The following PLCH2 variants were observed in gnomAD, a reference collection of about 807,000 sequenced individuals.
PLCH2 encodes the protein 1-phosphatidylinositol 4,5-bisphosphate phosphodiesterase eta-2.
PLCH2 carries 98 observed loss-of-function variants against 134.7 expected under a neutral mutation model. That is an observed-to-expected ratio of 0.73 (90% confidence interval 0.62 to 0.86). The LOEUF (loss-of-function observed/expected upper bound fraction) is 0.86. Ranked by LOEUF, PLCH2 falls within the 40% of genes least tolerant of loss-of-function variation. PLCH2 has a pLI of 0.00. For missense variants in PLCH2, 1,994 were observed against 1,986.6 expected, an observed-to-expected ratio of 1.00 and a Z score of -0.07; for synonymous variants, 974 against 827.5, an observed-to-expected ratio of 1.18 and a Z score of -3.04.
intron 2 of PLCH2, among the ~76,000 whole-genome samples, chr1:2,438,386 G>A (rs529582734): frequency 6.6e-6 from 1 of 152,292 alleles, no homozygotes; most frequent in South Asian, 2.1e-4. Flanking sequence ...GTGAGGCCGA[G>A]GGGCCCAGGG....
rs1553237108 is a variant in PLCH2, at chr1:2,430,646, C to CTGTGGGTGAGTGAGGCCCTGGA, written c.115+18_115+19insGTGGGTGAGTGAGGCCCTGGAT. 2.0e-5 allele frequency: 3 copies of CTGTGGGTGAGTGAGGCCCTGGA among 152,320 alleles called. No homozygotes were observed. In the East Asian group the frequency reaches 5.8e-4, roughly 29 times the overall value. The allele number at this position is 152,320 out of a possible 1,614,324, so 9.4% of individuals were successfully genotyped here. On this transcript the variant is annotated intron_variant, in intron 2 of 3. Transcript: ENST00000609981. ...TGCCCGTGGGTGAGTGAGGCCCTGG[C>CTGTGGGTGAGTGAGGCCCTGGA]TACCCACACCAAGCCAGAGAACATT...
the PLCH2 span, among the ~76,000 whole-genome samples, chr1:2,420,274 C>T: frequency 1.7e-4 from 26 of 152,280 alleles, no homozygotes; most frequent in Middle Eastern, 3.4e-3. Flanking sequence ...TCTTGTCCTT[C>T]CTCCCGCTGC....
intron 11 of PLCH2, 133 bp from the exon 12 acceptor site, chr1:2,494,721 CGT>C: frequency 4.4e-6 from 3 of 680,090 alleles, no homozygotes; most frequent in Non-Finnish European, 5.4e-6. Flanking sequence ...CCTCCCCTCC[CGT>C]CTGCCTTACT....
intron 8 of PLCH2, among the ~76,000 whole-genome samples, chr1:2,487,959 G>A (rs887340685): frequency 1.6e-4 from 25 of 152,342 alleles, no homozygotes; most frequent in African/African-American, 4.8e-4. Flanking sequence ...GGCACCTCCC[G>A]GTGTCAGTGC....
At chr1:2,434,943 A>C (rs954957987) in intron 2 of PLCH2, among the ~76,000 whole-genome samples, 17 of 152,084 alleles carry the variant, frequency 1.1e-4, no homozygotes, top group African/African-American at 4.1e-4. Context: ...AGGCCCCTAG[A>C]AGTGTGTCCC....
Position 2,448,894 on chromosome 1 carries a change from C to G in PLCH2, c.115+18265C>G, listed in dbSNP as rs533834570. On this transcript the variant is annotated intron_variant, in intron 2 of 3. Transcript: ENST00000609981. The surrounding 1 kb of genome is among the most constrained non-coding windows in gnomAD (Gnocchi z 4.0). ...CAACCACAAGTCACATCACTGCTGCCCCGGAAGGCACCTGGGGCCTCCAGA... is the reference window on the plus strand; with the variant it reads ...CAACCACAAGTCACATCACTGCTGCGCCGGAAGGCACCTGGGGCCTCCAGA... Among the ~76,000 whole-genome samples, 237 of 152,320 alleles carry G rather than the reference C, an allele frequency of 1.6e-3. 2 individuals carry two copies. Among genetic ancestry groups the G allele is most frequent in the African/African-American group, 5.3e-3 (220 of 41,578 alleles).
intron 13 of PLCH2, among the ~76,000 whole-genome samples, chr1:2,496,063 G>A (rs531425023): frequency 4.3e-4 from 65 of 149,724 alleles, no homozygotes; most frequent in African/African-American, 1.3e-3. Flanking sequence ...GGCTCCCCCC[G>A]TGCCGCCCAC....
At chr1:2,495,333 G>A (rs1642822641) in intron 12 of PLCH2, among the ~76,000 whole-genome samples, 155 bp from the exon 13 acceptor site, 1 of 152,196 alleles carries the variant, frequency 6.6e-6, no homozygotes, top group Non-Finnish European at 1.5e-5. Flanking sequence ...GGGCACCGAG[G>A]AGGCTTTGGC....
At chr1:2,423,657 G>A (rs540293260), upstream of PLCH2, among the ~76,000 whole-genome samples, 3 of 152,294 alleles carry the variant, frequency 2.0e-5, no homozygotes, top group Non-Finnish European at 4.4e-5. Flanking sequence ...AAATGCATTT[G>A]CTGGTGAGTC....
At chr1:2,502,570 A>G in intron 21 of PLCH2, 161 bp downstream of exon 21, 1 of 807,302 alleles carries the variant, frequency 1.2e-6, no homozygotes, top group Non-Finnish European at 2.1e-6. Context: ...GGGAGCGGCC[A>G]CCCAGCCCGG....
chr1:2,503,783 G>A, intron 21 of PLCH2, 139 bp from the exon 22 acceptor site: 1 of 613,298 alleles, frequency 1.6e-6, no homozygotes, highest in Non-Finnish European at 2.9e-6. Flanking sequence ...CCTCGGGGTG[G>A]GAGCTGGGCC....
chr1:2,490,262 C>A (rs1214052199), intron 10 of PLCH2, among the ~76,000 whole-genome samples: 1 of 152,210 alleles, frequency 6.6e-6, no homozygotes, highest in Non-Finnish European at 1.5e-5. Flanking sequence ...CCCTTTTCCT[C>A]ACCAAGTCTG....
chr1:2,484,906 C>T (rs1208608660), intron 5 of PLCH2, among the ~76,000 whole-genome samples: 1 of 152,054 alleles, frequency 6.6e-6, no homozygotes, highest in Non-Finnish European at 1.5e-5. Flanking sequence ...GGTTTCTCCT[C>T]CAGGGGCCCC....
At position 2,482,456 on chromosome 1, in the gene PLCH2, G is replaced by A. The variant is rs192547970; in HGVS notation, c.646-1992G>A. On this transcript the variant is annotated intron_variant, in intron 4 of 21. Transcript: ENST00000378486. ...AGACTTGGGGCTACCCTCACACCTC[G>A]CACCAGGCACCCCAGGGCTTCATCT... 1.4e-4 allele frequency among the ~76,000 whole-genome samples: 22 copies of A among 152,304 alleles called. 1 individual carries two copies. Among genetic ancestry groups the A allele is most frequent in the African/African-American group, 4.1e-4 (17 of 41,566 alleles).
In PLCH2 at chr1:2,448,347, GCCT is replaced by G; in HGVS notation, c.115+17724_115+17726del. On this transcript the variant is annotated intron_variant, in intron 2 of 3. Coordinates refer to the PLCH2 transcript ENST00000609981. The surrounding 1 kb of genome is among the most constrained non-coding windows in gnomAD (Gnocchi z 4.0). Reference sequence around the variant, plus strand: ...CAGGCTCCCCGGGAGGAACTTCCTGGCCTCCTCCAGCTTCTGGTGGCTCTGGCG... The same window carrying G: ...CAGGCTCCCCGGGAGGAACTTCCTGGCCTCCAGCTTCTGGTGGCTCTGGCG... 6.6e-6 allele frequency among the ~76,000 whole-genome samples: 1 copy of G among 152,204 alleles called. No individual in the cohort carries two copies. Among genetic ancestry groups the G allele is most frequent in the Non-Finnish European group, 1.5e-5 (1 of 68,002 alleles).
At chr1:2,425,239 C>G (rs1026024854), upstream of PLCH2, among the ~76,000 whole-genome samples, 7 of 143,714 alleles carry the variant, frequency 4.9e-5, no homozygotes, top group Middle Eastern at 3.6e-3. Context: ...TTTACACACA[C>G]ATATGTAACA....
rs1431581890 is a variant in PLCH2 at position 2,498,252 on chromosome 1, G to A, written c.2225-271G>A. On this transcript the variant is annotated intron_variant, in intron 16 of 21. Coordinates refer to ENST00000378486, the MANE Select transcript of PLCH2 (RefSeq NM_014638.4). The surrounding 1 kb of genome is among the most constrained non-coding windows in gnomAD (Gnocchi z 5.4). The stretch of plus-strand genomic sequence containing the variant: ...CACCCCTCATACCCCCAGGGACCCA[G>A]ACCCACCCCCAGAAGCCATGTGACC... 3 of 417,482 alleles carry A rather than the reference G, an allele frequency of 7.2e-6. No homozygotes were observed. The highest frequency in any genetic ancestry group is 6.1e-5 in the African/African-American group (3 of 49,104). The allele number at this position is 417,482 out of a possible 1,614,324, so 25.9% of individuals were successfully genotyped here. A position where few individuals can be genotyped will look rare whatever the true frequency, so the allele number is the denominator to read the frequency against.
intron 2 of PLCH2, among the ~76,000 whole-genome samples, chr1:2,447,114 G>T (rs1056733130): frequency 2.0e-5 from 3 of 152,332 alleles, no homozygotes; most frequent in African/African-American, 7.2e-5. Context: ...GCAGATGGGA[G>T]CAGGCTCCTC....
chr1:2,470,402 C>T (rs368648939), intron 1 of PLCH2, among the ~76,000 whole-genome samples: 2 of 152,166 alleles, frequency 1.3e-5, no homozygotes, highest in Admixed American at 1.3e-4. Flanking sequence ...AGGGACGGAA[C>T]GACTATACAA....
Sources: allele counts gnomAD v4.1 joint callset (sites outside exome capture counted in the v4.1 genomes callset), GRCh38; gene constraint gnomAD v4.1.1; non-coding constraint Gnocchi (gnomAD v3.1); transcripts MANE v1.5; gene names NCBI Gene and HGNC (gene_info 2026-07-23, HGNC 2026-07-21).